HSF2: variants seen among roughly 807,000 people sequenced by gnomAD.
HSF2 encodes the protein heat shock factor protein 2.
In HSF2, 21 loss-of-function variants were observed where a neutral mutation model predicts 65.0. That is an observed-to-expected ratio of 0.32 (90% confidence interval 0.23 to 0.47). The LOEUF is 0.47. Among genes scored for constraint, HSF2 ranks in the 20% least tolerant of loss-of-function variants. HSF2 has a pLI of 1.00. For missense variants in HSF2, 499 were observed against 628.1 expected (o/e 0.79, Z 2.20); for synonymous variants, 225 against 219.1 (o/e 1.03, Z -0.24).
chr6:122,420,913 T>A (rs1582616931), intron 7 of HSF2, among the ~76,000 whole-genome samples: 1 of 151,536 alleles, frequency 6.6e-6, no homozygotes. Flanking sequence ...ATTTTCATCA[T>A]GTCACCTTTG....
intron 1 of HSF2, among the ~76,000 whole-genome samples, chr6:122,408,305 C>T (rs1261812997): frequency 6.7e-6 from 1 of 150,304 alleles, no homozygotes; most frequent in Non-Finnish European, 1.5e-5. Flanking sequence ...GTCTTTAGCT[C>T]TTCCACATAT....
chr6:122,411,466 A>G (rs1773992817), intron 1 of HSF2, among the ~76,000 whole-genome samples: 2 of 151,472 alleles, frequency 1.3e-5, no homozygotes, highest in Non-Finnish European at 3.0e-5. Flanking sequence ...CCATTTGTCT[A>G]TTTTTGCTTT....
At chr6:122,428,771 G>T (rs1393117403) in intron 11 of HSF2, among the ~76,000 whole-genome samples, 1 of 151,962 alleles carries the variant, frequency 6.6e-6, no homozygotes, top group African/African-American at 2.4e-5. Flanking sequence ...AGGGTGAGGG[G>T]TGGAATTTAT....
intron 5 of HSF2, among the ~76,000 whole-genome samples, chr6:122,416,730 T>G (rs991284220): frequency 5.3e-5 from 8 of 152,216 alleles, no homozygotes; most frequent in African/African-American, 1.9e-4. Flanking sequence ...GACCAAATTA[T>G]GAGTTCAGAA....
chr6:122,419,331 C>A (rs986768459), intron 6 of HSF2, 102 bp downstream of exon 6: 3 of 549,274 alleles, frequency 5.5e-6, no homozygotes, highest in Non-Finnish European at 6.6e-6. Context: ...TGCTTGTTGT[C>A]CAAAAAGAAC....
At chr6:122,417,032 G>A (rs970777061) in intron 5 of HSF2, among the ~76,000 whole-genome samples, 1 of 152,156 alleles carries the variant, frequency 6.6e-6, no homozygotes, top group Non-Finnish European at 1.5e-5. Flanking sequence ...TGCTTAGAAG[G>A]CCCTTGAACT....
intron 11 of HSF2, among the ~76,000 whole-genome samples, chr6:122,431,076 T>C (rs1291596500): frequency 1.3e-5 from 2 of 152,160 alleles, no homozygotes; most frequent in African/African-American, 4.8e-5. Flanking sequence ...TTTAATTGCT[T>C]AGTTAATTAT....
At chr6:122,414,014 C>A (rs944897039) in intron 4 of HSF2, among the ~76,000 whole-genome samples, 3 of 151,942 alleles carry the variant, frequency 2.0e-5, no homozygotes, top group Non-Finnish European at 4.4e-5. Flanking sequence ...ACATAAAAAC[C>A]CTGTATGTTA....
At chr6:122,423,725 G>T (rs1774284968) in intron 10 of HSF2, 39 bp downstream of exon 10, 1 of 1,111,300 alleles carries the variant, frequency 9.0e-7, no homozygotes, top group African/African-American at 1.5e-5. Context: ...CTGGTAGTTT[G>T]TGTGTTTATG....
chr6:122,411,633 T>A (rs975490483), intron 1 of HSF2, among the ~76,000 whole-genome samples: 1 of 151,926 alleles, frequency 6.6e-6, no homozygotes, highest in Non-Finnish European at 1.5e-5. Flanking sequence ...TCTAACTTCA[T>A]TTTTTTGTAT....
intron 1 of HSF2, among the ~76,000 whole-genome samples, chr6:122,403,201 C>G (rs1480406773): frequency 6.6e-6 from 1 of 152,034 alleles, no homozygotes; most frequent in Non-Finnish European, 1.5e-5. Flanking sequence ...GGAAATAATA[C>G]CTCTCACCAT....
chr6:122,403,255 A>G (rs1773783324), intron 1 of HSF2, among the ~76,000 whole-genome samples: 1 of 152,222 alleles, frequency 6.6e-6, no homozygotes, highest in Non-Finnish European at 1.5e-5. Flanking sequence ...AATTATACTT[A>G]AATATGTTAT....
chr6:122,421,278 T>A (rs1431346048), intron 7 of HSF2, among the ~76,000 whole-genome samples: 1 of 152,076 alleles, frequency 6.6e-6, no homozygotes, highest in Non-Finnish European at 1.5e-5. Flanking sequence ...TGTTACTACT[T>A]TCAAACTTCA....
intron 1 of HSF2, 75 bp from the exon 2 acceptor site, chr6:122,412,298 G>T: frequency 1.2e-6 from 1 of 844,432 alleles, no homozygotes; most frequent in South Asian, 1.4e-5. Flanking sequence ...GACAGTTGTG[G>T]GATGTATAAA....
intron 5 of HSF2, among the ~76,000 whole-genome samples, 157 bp downstream of exon 5, chr6:122,416,453 G>A (rs1323532835): frequency 6.6e-6 from 1 of 152,144 alleles, no homozygotes; most frequent in African/African-American, 2.4e-5. Context: ...ATTAAGCCAA[G>A]TGTTACACAT....
intron 4 of HSF2, among the ~76,000 whole-genome samples, chr6:122,414,585 ATTTTTTGTACCTTAG>A (rs1205804874): frequency 1.3e-5 from 2 of 152,178 alleles, no homozygotes; most frequent in Middle Eastern, 3.4e-3. Flanking sequence ...TCCCCAAATC[ATTTTTTGTACCTTAG>A]AGGGAACTTT....
upstream of HSF2, chr6:122,399,558 C>T: frequency 1.7e-6 from 1 of 573,090 alleles, no homozygotes; most frequent in East Asian, 3.1e-5. Flanking sequence ...GAGACTTGTC[C>T]GTCACGTGCG....
At chr6:122,399,948 CG>C in intron 1 of HSF2, 118 bp downstream of exon 1, 1 of 791,856 alleles carries the variant, frequency 1.3e-6, no homozygotes, top group Non-Finnish European at 2.1e-6. Context: ...GCCCGCGGTG[CG>C]GGGCCTTGGC....
intron 1 of HSF2, among the ~76,000 whole-genome samples, chr6:122,408,783 A>G (rs926764861): frequency 1.3e-5 from 2 of 151,262 alleles, no homozygotes; most frequent in Non-Finnish European, 2.9e-5. Context: ...TTTGTTCTTA[A>G]TTTTTAAAGG....
Sources: allele counts gnomAD v4.1 joint callset (sites outside exome capture counted in the v4.1 genomes callset), GRCh38; gene constraint gnomAD v4.1.1; transcripts MANE v1.5; gene names NCBI Gene and HGNC (gene_info 2026-07-23, HGNC 2026-07-21).